Variants in RNF150 observed in about 807,000 individuals in gnomAD.
The protein encoded by RNF150 is ring finger protein 150.
Under a neutral mutation model 39.3 loss-of-function variants are expected in RNF150, and 24 were observed. That is an observed-to-expected ratio of 0.61 (90% confidence interval 0.44 to 0.86). RNF150 has a LOEUF of 0.86. Among genes scored for constraint, RNF150 ranks in the 40% least tolerant of loss-of-function variants. RNF150 has a pLI of 0.00. For missense variants in RNF150, 502 were observed against 587.8 expected (o/e 0.85, Z 1.51); for synonymous variants, 255 against 227.3 (o/e 1.12, Z -1.10).
chr4:140,997,299 TATTTTACAG>T (rs1734409969), intron 1 of RNF150, among the ~76,000 whole-genome samples: 1 of 152,208 alleles, frequency 6.6e-6, no homozygotes, highest in Admixed American at 6.5e-5. Flanking sequence ...TACTATCAAA[TATTTTACAG>T]ATTTTATAAA....
intron 1 of RNF150, among the ~76,000 whole-genome samples, chr4:141,003,243 C>A (rs1734735402): frequency 6.6e-6 from 1 of 152,086 alleles, no homozygotes; most frequent in African/African-American, 2.4e-5. Flanking sequence ...AACAGTACTA[C>A]AATGTGTGCT....
intron 1 of RNF150, chr4:141,053,745 T>C: frequency 3.7e-6 from 5 of 1,343,190 alleles, no homozygotes; most frequent in Non-Finnish European, 4.8e-6. Flanking sequence ...TGAACAACGA[T>C]AAAAATGAAA....
intron 1 of RNF150, among the ~76,000 whole-genome samples, chr4:141,097,246 G>T (rs932074409): frequency 6.6e-6 from 1 of 152,028 alleles, no homozygotes; most frequent in African/African-American, 2.4e-5. Context: ...CCAGAGCCTC[G>T]TTCAGTGTCA....
intron 1 of RNF150, among the ~76,000 whole-genome samples, chr4:141,197,252 T>C (rs1578792540): frequency 6.6e-6 from 1 of 152,184 alleles, no homozygotes; most frequent in East Asian, 1.9e-4. Context: ...AACTTGAATA[T>C]ATGTTAGTGT....
intron 5 of RNF150, among the ~76,000 whole-genome samples, chr4:140,925,038 A>C (rs1398672450): frequency 6.6e-6 from 1 of 152,206 alleles, no homozygotes; most frequent in East Asian, 1.9e-4. Flanking sequence ...GACTATTAAC[A>C]TTCTCTTTAT....
At chr4:141,095,719 T>C (rs555174569) in intron 1 of RNF150, among the ~76,000 whole-genome samples, 2 of 152,310 alleles carry the variant, frequency 1.3e-5, no homozygotes, top group Admixed American at 1.3e-4. Context: ...TTTTTTCTTA[T>C]GGTTGCATAT....
chr4:140,977,758 G>A (rs761140125), intron 1 of RNF150, among the ~76,000 whole-genome samples: 4 of 151,956 alleles, frequency 2.6e-5, no homozygotes, highest in Admixed American at 6.6e-5. Context: ...ATTCGAATTC[G>A]CCATTAGCGT....
chr4:141,012,416 G>C (rs1187054451), intron 1 of RNF150, among the ~76,000 whole-genome samples: 2 of 152,204 alleles, frequency 1.3e-5, no homozygotes, highest in Non-Finnish European at 2.9e-5. Flanking sequence ...TTACAATATG[G>C]TGTGTATGTA....
chr4:141,029,303 G>A (rs1258894933), intron 1 of RNF150, among the ~76,000 whole-genome samples: 3 of 152,060 alleles, frequency 2.0e-5, no homozygotes, highest in Admixed American at 1.3e-4. Context: ...ACTTCCAGAT[G>A]GTTCCTGCTG....
intron 1 of RNF150, among the ~76,000 whole-genome samples, chr4:141,085,455 A>G (rs536856907): frequency 6.6e-6 from 1 of 152,334 alleles, no homozygotes; most frequent in East Asian, 1.9e-4. Flanking sequence ...GAGGCCACAT[A>G]GAGGTGCTCC....
At chr4:141,081,436 A>G (rs2110980175) in intron 1 of RNF150, among the ~76,000 whole-genome samples, 1 of 152,368 alleles carries the variant, frequency 6.6e-6, no homozygotes, top group East Asian at 1.9e-4. Flanking sequence ...CAGTGCTTCC[A>G]TCGGACAGGG....
At chr4:141,001,366 C>T (rs1579043644) in intron 1 of RNF150, among the ~76,000 whole-genome samples, 1 of 152,036 alleles carries the variant, frequency 6.6e-6, no homozygotes, top group African/African-American at 2.4e-5. Context: ...TACTCTCCCT[C>T]CCTCTTCATT....
At chr4:140,893,758 G>A (rs1729844102) in intron 6 of RNF150, among the ~76,000 whole-genome samples, 1 of 151,962 alleles carries the variant, frequency 6.6e-6, no homozygotes, top group Non-Finnish European at 1.5e-5. Context: ...GAGAAGAACT[G>A]AAAAGGTATC....
At chr4:141,038,725 G>T (rs1736243699) in intron 1 of RNF150, among the ~76,000 whole-genome samples, 1 of 152,094 alleles carries the variant, frequency 6.6e-6, no homozygotes, top group Non-Finnish European at 1.5e-5. Flanking sequence ...CATTTTTATG[G>T]CAACAAGAAC....
At chr4:140,925,691 G>C (rs928477092) in intron 5 of RNF150, among the ~76,000 whole-genome samples, 3 of 152,120 alleles carry the variant, frequency 2.0e-5, no homozygotes, top group Non-Finnish European at 4.4e-5. Flanking sequence ...CGTCCCACCT[G>C]CCCTCCCATG....
intron 1 of RNF150, among the ~76,000 whole-genome samples, chr4:141,105,809 T>C (rs1309992323): frequency 6.6e-6 from 1 of 152,218 alleles, no homozygotes; most frequent in Non-Finnish European, 1.5e-5. Flanking sequence ...CTCCAGACTA[T>C]TGTTATTGGT....
At chr4:141,032,800 T>C (rs1026278960) in intron 1 of RNF150, among the ~76,000 whole-genome samples, 2 of 152,202 alleles carry the variant, frequency 1.3e-5, no homozygotes, top group Non-Finnish European at 2.9e-5. Flanking sequence ...GCATATAAAA[T>C]GTATGTTTAC....
intron 2 of RNF150, among the ~76,000 whole-genome samples, chr4:140,954,602 A>G (rs1425860640): frequency 2.0e-5 from 3 of 152,212 alleles, no homozygotes; most frequent in Admixed American, 1.3e-4. Context: ...GAATATATTT[A>G]CCAAGGTTAC....
At chr4:141,198,726 T>A (rs1728244506) in intron 1 of RNF150, among the ~76,000 whole-genome samples, 1 of 152,232 alleles carries the variant, frequency 6.6e-6, no homozygotes, top group Non-Finnish European at 1.5e-5. Context: ...AGTAAAAGTT[T>A]TATTGCTCAG....
Sources: gnomAD v4.1 joint callset for allele counts (sites outside exome capture counted in the v4.1 genomes callset) on GRCh38, gnomAD v4.1.1 for gene constraint, MANE v1.5 for transcripts, NCBI Gene and HGNC (gene_info 2026-07-23, HGNC 2026-07-21) for gene names.